Variants in SBF2 observed in about 807,000 individuals in gnomAD.
SBF2 encodes SET binding factor 2.
In SBF2, 112 loss-of-function variants were observed where a neutral mutation model predicts 225.2. The observed-to-expected ratio is 0.50, with a 90% CI of 0.43 to 0.58. SBF2 has a LOEUF of 0.58. Ranked by LOEUF, SBF2 falls within the 20% of genes least tolerant of loss-of-function variation. SBF2 has a pLI of 0.00. For synonymous variants in SBF2, 763 were observed against 773.3 expected (o/e 0.99, Z 0.22); for missense variants, 1,996 against 2,206.2 (o/e 0.90, Z 1.91).
chr11:9,981,486 C>A (rs903756828), intron 13 of SBF2, among the ~76,000 whole-genome samples: 1 of 152,092 alleles, frequency 6.6e-6, no homozygotes, highest in Non-Finnish European at 1.5e-5. Flanking sequence ...CGTTTGAAAT[C>A]GGCAAAAACA....
chr11:10,009,852 A>G (rs559177469), intron 6 of SBF2, among the ~76,000 whole-genome samples: 14 of 146,988 alleles, frequency 9.5e-5, no homozygotes, highest in African/African-American at 3.4e-4. Context: ...CAATGGTTGA[A>G]CTAATTTACA....
At chr11:10,120,900 G>A (rs1027110781) in intron 2 of SBF2, among the ~76,000 whole-genome samples, 3 of 152,106 alleles carry the variant, frequency 2.0e-5, no homozygotes, top group Admixed American at 6.5e-5. Flanking sequence ...GCTAGCAGGC[G>A]TGAGCTACCG....
Position 9,942,942 on chromosome 11 carries a change from G to GAAAGAAA in SBF2, c.1860+19014_1860+19015insTTTCTTT, listed in dbSNP as rs1383195932. Among the ~76,000 whole-genome samples, 484 of 77,448 alleles carry GAAAGAAA rather than the reference G, an allele frequency of 6.2e-3. 4 individuals are homozygous for GAAAGAAA. Among genetic ancestry groups the GAAAGAAA allele is most frequent in the Middle Eastern group, 0.017 (2 of 116 alleles). The allele number at this position is 77,448 out of a possible 152,430, so 50.8% of individuals were successfully genotyped here. Reference sequence around the variant, plus strand: ...AAGAAAGAAAGAAAGAAAGAAAGAAGGAAGGAACGAAGGAAGGAAAGAAGG... The same window carrying GAAAGAAA: ...AAGAAAGAAAGAAAGAAAGAAAGAAGAAAGAAAGAAGGAACGAAGGAAGGAAAGAAGG... On this transcript the variant is annotated intron_variant, in intron 16 of 39. Transcript: ENST00000256190.
intron 17 of SBF2, among the ~76,000 whole-genome samples, chr11:9,866,465 C>G (rs1052589241): frequency 3.3e-5 from 5 of 152,168 alleles, no homozygotes; most frequent in Admixed American, 6.5e-5. Context: ...GTGCCAAGAA[C>G]AGATACTGGG....
At chr11:9,803,018 T>G (rs1853580114) in intron 32 of SBF2, among the ~76,000 whole-genome samples, 1 of 152,228 alleles carries the variant, frequency 6.6e-6, no homozygotes, top group Non-Finnish European at 1.5e-5. Context: ...AAAATTTATG[T>G]TTTAATTTAA....
intron 2 of SBF2, among the ~76,000 whole-genome samples, chr11:10,046,602 G>A (rs1403262854): frequency 5.3e-5 from 8 of 151,212 alleles, no homozygotes; most frequent in African/African-American, 1.9e-4. Context: ...TAGAAGTAGA[G>A]GGAAACTTCC....
chr11:10,050,563 T>C (rs188934389), intron 2 of SBF2, among the ~76,000 whole-genome samples: 74 of 152,282 alleles, frequency 4.9e-4, no homozygotes, highest in African/African-American at 1.7e-3. Flanking sequence ...ATAAAAGTTA[T>C]ATGAATGGGG....
intron 20 of SBF2, 136 bp downstream of exon 20, chr11:9,853,404 A>G: frequency 1.3e-6 from 1 of 782,470 alleles, no homozygotes; most frequent in Admixed American, 2.3e-5. Flanking sequence ...AACAATTTAA[A>G]AACATTTTAA....
At chr11:9,926,119 T>G (rs1590477194) in intron 16 of SBF2, among the ~76,000 whole-genome samples, 2 of 152,248 alleles carry the variant, frequency 1.3e-5, no homozygotes, top group Admixed American at 1.3e-4. Context: ...ATCTGTAATC[T>G]GGCTTAAGTT....
intron 6 of SBF2, among the ~76,000 whole-genome samples, chr11:10,022,849 C>A (rs1333853767): frequency 6.6e-6 from 1 of 152,114 alleles, no homozygotes. Flanking sequence ...CAACAGCCTG[C>A]ATTTTGGTAA....
chr11:9,944,815 T>C (rs896938708), intron 16 of SBF2, among the ~76,000 whole-genome samples: 2 of 152,112 alleles, frequency 1.3e-5, no homozygotes, highest in East Asian at 3.9e-4. Context: ...GACCCTAGAA[T>C]TCATGTGGTG....
rs919657037 is a variant in SBF2 at position 9,963,837 on chromosome 11, C to T, written c.1646G>A (p.Arg549Lys). The change falls in exon 15 of 40, where the codon AGA becomes AAA. Residue 549 changes from arginine (R) to lysine (K), a missense_variant. Coordinates refer to ENST00000256190, the MANE Select transcript of SBF2 (RefSeq NM_030962.4). ...KVTTVFNSAQRLEVVRNCISF... is the reference protein window; with the variant it reads ...KVTTVFNSAQKLEVVRNCISF... ...GATACAGTTTCTGACAACTTCTAGT[C>T]TTTGTGCACTGTTGAAAACTGTCGT... The T allele has an allele frequency of 1.2e-6, 2 of 1,611,750 alleles. No individual in the cohort carries two copies. The highest frequency in any genetic ancestry group is 2.2e-5 in the South Asian group (2 of 90,866).
intron 6 of SBF2, among the ~76,000 whole-genome samples, chr11:10,004,436 T>C (rs932567499): frequency 3.3e-5 from 5 of 151,708 alleles, no homozygotes; most frequent in African/African-American, 1.2e-4. Flanking sequence ...GGTAGTAAGG[T>C]GCACAATGAT....
chr11:10,294,005 A>C lies in SBF2; in HGVS notation c.55+10T>G. Reference sequence around the variant, plus strand: ...GGAGGCCCGGGGGCGGTGCCGCCCCACACCCTTACCTGGCTTCTCGTGGTC... The same window carrying C: ...GGAGGCCCGGGGGCGGTGCCGCCCCCCACCCTTACCTGGCTTCTCGTGGTC... On this transcript the variant is annotated intron_variant, in intron 1 of 39. Transcript: ENST00000256190. The C allele has an allele frequency of 7.2e-7, 1 of 1,387,888 alleles. No individual in the cohort carries two copies. Among genetic ancestry groups the C allele is most frequent in the Non-Finnish European group, 9.4e-7 (1 of 1,064,924 alleles). 86.0% of individuals were successfully genotyped at this position (1,387,888 alleles called of 1,614,324 possible).
chr11:9,832,260 C>A lies in SBF2; in HGVS notation c.3616G>T (p.Val1206Phe). 6.2e-7 allele frequency: 1 copy of A among 1,614,156 alleles called. No homozygotes were observed. Among genetic ancestry groups the A allele is most frequent in the Non-Finnish European group, 8.5e-7 (1 of 1,180,016 alleles). ...GAGTTCTGAGATTTGAAAAGACCAA[C>A]GACTCCCTTCCCATGGAATCCTCCA... is the stretch of plus-strand genomic sequence containing the variant. ...RSGGFHGKGV[V>F]GLFKSQNSPQ... Residue 1206 changes from valine (V) to phenylalanine (F), a missense_variant, in exon 27 of 40, where the codon GTT becomes TTT. Coordinates refer to ENST00000256190, the MANE Select transcript of SBF2 (RefSeq NM_030962.4).
chr11:10,132,328 A>G (rs1052514378), intron 2 of SBF2, among the ~76,000 whole-genome samples: 1 of 152,178 alleles, frequency 6.6e-6, no homozygotes, highest in Non-Finnish European at 1.5e-5. Flanking sequence ...TAATGTGTCC[A>G]GAATTGGTGG....
At chr11:9,802,488 G>A (rs1404641181) in intron 32 of SBF2, among the ~76,000 whole-genome samples, 1 of 152,194 alleles carries the variant, frequency 6.6e-6, no homozygotes, top group Non-Finnish European at 1.5e-5. Context: ...CTGCCTTTTG[G>A]CATTCAATGT....
intron 16 of SBF2, among the ~76,000 whole-genome samples, chr11:9,922,792 CT>C (rs1256529403): frequency 2.0e-5 from 3 of 152,048 alleles, no homozygotes; most frequent in Non-Finnish European, 4.4e-5. Context: ...TTACTTAGCC[CT>C]TTAGAAATGC....
chr11:10,260,861 CAG>C (rs1961358565), intron 1 of SBF2, among the ~76,000 whole-genome samples: 1 of 140,722 alleles, frequency 7.1e-6, no homozygotes, highest in South Asian at 2.2e-4. Context: ...GCTTAGGCAA[CAG>C]AGAGACCCTG....
Sources: gnomAD v4.1 joint callset for allele counts (sites outside exome capture counted in the v4.1 genomes callset) on GRCh38, gnomAD v4.1.1 for gene constraint, MANE v1.5 for transcripts, NCBI Gene and HGNC (gene_info 2026-07-23, HGNC 2026-07-21) for gene names.